The following BOLA3 variants were observed in gnomAD, a reference collection of about 807,000 sequenced individuals.
The protein encoded by BOLA3 is bolA-like protein 3.
In BOLA3, 8 loss-of-function variants were observed where a neutral mutation model predicts 14.5. That is an observed-to-expected ratio of 0.55 (90% CI 0.32 to 0.99). BOLA3 has a LOEUF of 0.99. Ranked by LOEUF, BOLA3 falls within the 50% of genes least tolerant of loss-of-function variation. The pLI, the probability that BOLA3 is intolerant of heterozygous loss-of-function variation, is 0.04. For synonymous variants in BOLA3, 42 were observed against 45.7 expected (o/e 0.92, Z 0.33); for missense variants, 115 against 138.2 (o/e 0.83, Z 0.84).
intron 1 of BOLA3, chr2:74,147,338 G>T (rs1044377035): frequency 2.1e-4 from 45 of 210,718 alleles, no homozygotes; most frequent in African/African-American, 9.8e-4. Flanking sequence ...AAGGGGGAGA[G>T]ATTAGGAGAG....
chr2:74,137,267 A>T (rs1692352455), intron 3 of BOLA3, among the ~76,000 whole-genome samples: 1 of 152,158 alleles, frequency 6.6e-6, no homozygotes, highest in Non-Finnish European at 1.5e-5. Context: ...CTGAGAGTGG[A>T]GCCTTGTTTC....
intron 1 of BOLA3, chr2:74,147,043 CAG>C (rs1387168230): frequency 6.6e-6 from 1 of 152,416 alleles, no homozygotes; most frequent in Admixed American, 6.5e-5. Flanking sequence ...AGGGTAAAGG[CAG>C]AGAGTAACCA....
intron 1 of BOLA3, 136 bp downstream of exon 1, chr2:74,147,685 G>A: frequency 1.3e-6 from 1 of 764,120 alleles, no homozygotes; most frequent in Non-Finnish European, 2.2e-6. Context: ...ATGAGAGAAA[G>A]GAAGAGGAGC....
chr2:74,141,663 A>G (rs137903504), intron 3 of BOLA3, among the ~76,000 whole-genome samples: 366 of 152,296 alleles, frequency 2.4e-3, no homozygotes, highest in African/African-American at 8.4e-3. Flanking sequence ...CAAAAATAAC[A>G]CTAGTTCACA....
chr2:74,135,498 A>C lies in BOLA3; in HGVS notation c.*95T>G. On this transcript the variant is annotated 3_prime_UTR_variant, in exon 4 of 4. Coordinates refer to ENST00000327428, the MANE Select transcript of BOLA3 (RefSeq NM_212552.3). ...TAATATGGAAATGTATATGAGCAAA[A>C]TATATAAATTTTTTGGTGACTGCTT... 1 of 1,549,328 alleles carries C rather than the reference A, an allele frequency of 6.5e-7. No individual in the cohort carries two copies. The highest frequency in any genetic ancestry group is 8.9e-7 in the Non-Finnish European group (1 of 1,122,656).
chr2:74,144,145 A>G (rs923128841), intron 2 of BOLA3, among the ~76,000 whole-genome samples: 23 of 150,750 alleles, frequency 1.5e-4, no homozygotes, highest in African/African-American at 5.6e-4. Context: ...AGCTGGGACT[A>G]CAGGCGTGTG....
At chr2:74,136,882 CAG>C (rs750956094) in intron 3 of BOLA3, among the ~76,000 whole-genome samples, 115 of 152,276 alleles carry the variant, frequency 7.6e-4, no homozygotes, top group Middle Eastern at 3.4e-3. Flanking sequence ...CAAATGGTGT[CAG>C]AGCCCAAATC....
chr2:74,137,505 C>A (rs1385975864), intron 3 of BOLA3, among the ~76,000 whole-genome samples: 1 of 151,994 alleles, frequency 6.6e-6, no homozygotes, highest in East Asian at 1.9e-4. Flanking sequence ...GTCTCTGTCT[C>A]TTACAATATA....
intron 2 of BOLA3, among the ~76,000 whole-genome samples, chr2:74,142,609 T>A (rs543335353): frequency 6.6e-6 from 1 of 152,140 alleles, no homozygotes; most frequent in South Asian, 2.1e-4. Flanking sequence ...TTACCACTTG[T>A]GGGCAGGAAA....
chr2:74,147,278 T>G, intron 1 of BOLA3: 1 of 158,436 alleles, frequency 6.3e-6, no homozygotes, highest in Non-Finnish European at 1.4e-5. Context: ...AGAAGGAAAA[T>G]GAAAGTTAAG....
chr2:74,139,095 C>T (rs1692388511), intron 3 of BOLA3, among the ~76,000 whole-genome samples: 2 of 152,130 alleles, frequency 1.3e-5, no homozygotes, highest in Middle Eastern at 6.8e-3. Flanking sequence ...GGCTGAGCCC[C>T]GCGCAGCAGG....
intron 1 of BOLA3, chr2:74,145,545 A>G: frequency 1.8e-6 from 1 of 557,088 alleles, no homozygotes; most frequent in Non-Finnish European, 3.2e-6. Context: ...ATTTGACTCC[A>G]GAGACAAGAG....
At chr2:74,139,122 T>C (rs1692389095) in intron 3 of BOLA3, among the ~76,000 whole-genome samples, 1 of 151,452 alleles carries the variant, frequency 6.6e-6, no homozygotes, top group South Asian at 2.1e-4. Context: ...GAGGAACGAG[T>C]CCATTCCTGA....
intron 3 of BOLA3, among the ~76,000 whole-genome samples, chr2:74,139,000 C>T (rs1692387101): frequency 6.6e-6 from 1 of 152,326 alleles, no homozygotes; most frequent in African/African-American, 2.4e-5. Flanking sequence ...AAACCCTCAA[C>T]ATCTAGGCCT....
At chr2:74,140,299 G>A (rs1309989616) in intron 3 of BOLA3, among the ~76,000 whole-genome samples, 1 of 152,060 alleles carries the variant, frequency 6.6e-6, no homozygotes, top group Non-Finnish European at 1.5e-5. Flanking sequence ...AAAAAAAGAA[G>A]TATATATTTT....
intron 3 of BOLA3, among the ~76,000 whole-genome samples, chr2:74,140,676 C>T (rs1162805930): frequency 6.6e-6 from 1 of 152,230 alleles, no homozygotes; most frequent in Non-Finnish European, 1.5e-5. Context: ...TTCCCCACCC[C>T]AGACTGGTGC....
At chr2:74,140,594 T>C (rs527936564) in intron 3 of BOLA3, among the ~76,000 whole-genome samples, 1 of 152,230 alleles carries the variant, frequency 6.6e-6, no homozygotes, top group South Asian at 2.1e-4. Context: ...CATGTTGCTA[T>C]AGGGGGCCAG....
chr2:74,140,026 G>A (rs1318795360), intron 3 of BOLA3, among the ~76,000 whole-genome samples: 1 of 152,186 alleles, frequency 6.6e-6, no homozygotes, highest in African/African-American at 2.4e-5. Flanking sequence ...GCTCATGCCT[G>A]TAATCCCAGC....
intron 1 of BOLA3, chr2:74,146,563 G>C (rs1692549612): frequency 6.6e-6 from 1 of 152,278 alleles, no homozygotes; most frequent in Non-Finnish European, 1.5e-5. Flanking sequence ...GCCCAAGTAA[G>C]AGGCATTACA....
Sources: allele counts gnomAD v4.1 joint callset (sites outside exome capture counted in the v4.1 genomes callset), GRCh38; gene constraint gnomAD v4.1.1; transcripts MANE v1.5; gene names NCBI Gene and HGNC (gene_info 2026-07-23, HGNC 2026-07-21).